Variants in IGF2R observed in about 807,000 individuals in gnomAD.
IGF2R encodes the protein insulin like growth factor 2 receptor, also known as cation-independent mannose-6-phosphate receptor.
In IGF2R, 91 loss-of-function variants were observed where a neutral mutation model predicts 270.6. The observed-to-expected ratio is 0.34, with a 90% CI of 0.28 to 0.40. IGF2R has a LOEUF of 0.40. Among genes scored for constraint, IGF2R ranks in the 10% least tolerant of loss-of-function variants. IGF2R has a pLI of 1.00. For synonymous variants in IGF2R, 1,316 were observed against 1,258.9 expected (o/e 1.05, Z -0.96); for missense variants, 2,805 against 3,188.3 (o/e 0.88, Z 2.90).
intron 2 of IGF2R, among the ~76,000 whole-genome samples, chr6:160,000,728 G>GTTTTTTTTTTTTTTTTTTTTT (rs59215791): frequency 1.4e-5 from 1 of 69,948 alleles, no homozygotes; most frequent in African/African-American, 6.0e-5. Flanking sequence ...GTGTGAGGTT[G>GTTTTTTTTTTTTTTTTTTTTT]TTTTTTTTTT....
rs775387243 is a variant in IGF2R, at chr6:160,075,936, G to A, written c.5256G>A (p.Ala1752=). 2.4e-5 allele frequency: 38 copies of A among 1,613,994 alleles called. 1 individual carries two copies. The highest frequency in any genetic ancestry group is 5.5e-5 in the South Asian group (5 of 91,084). The change falls in exon 36 of 48, where the codon GCG becomes GCA. Residue 1752 remains alanine, a synonymous_variant. Transcript: ENST00000356956. ...LNFESSTPCL[A]DKHFNYTSLI... ...TTGAAAGCAGTACTCCTTGCTTAGC[G>A]GACAAGCATTTCAACTACACCTCGC...
chr6:159,991,185 T>G lies in IGF2R; in HGVS notation c.151T>G (p.Tyr51Asp), dbSNP rs1187814366. Reference protein sequence around the residue: ...QAAPFPELCSYTWEAVDTKNN... With the variant: ...QAAPFPELCSDTWEAVDTKNN... ...CAAGTTGTTTTTCTTCCTTTCCAGT[T>G]ATACATGGGAAGCTGTTGATACCAA... The change falls in exon 2 of 48, where the codon TAT becomes GAT. Residue 51 changes from tyrosine (Y) to aspartate (D), a missense_variant and splice_region_variant. Physicochemically the swap from Tyr to Asp is radical, Grantham distance 160. Coordinates refer to ENST00000356956, the MANE Select transcript of IGF2R (RefSeq NM_000876.4). The G allele has an allele frequency of 6.2e-7, 1 of 1,605,028 alleles. No individual in the cohort carries two copies. The highest frequency in any genetic ancestry group is 8.5e-7 in the Non-Finnish European group (1 of 1,176,010).
At chr6:160,058,412 T>G (rs537958186) in intron 21 of IGF2R, among the ~76,000 whole-genome samples, 1 of 152,210 alleles carries the variant, frequency 6.6e-6, no homozygotes, top group South Asian at 2.1e-4. Flanking sequence ...TCATTGTCCA[T>G]TGGTCTCTCC....
In IGF2R at chr6:159,969,347, C is replaced by T; in HGVS notation, c.101C>T (p.Ala34Val). The T allele has an allele frequency of 7.6e-7, 1 of 1,314,136 alleles. No individual in the cohort carries two copies. The highest frequency in any genetic ancestry group is 9.7e-7 in the Non-Finnish European group (1 of 1,028,282). 81.4% of individuals were successfully genotyped at this position (1,314,136 alleles called of 1,614,324 possible). A position where few individuals can be genotyped will look rare whatever the true frequency, so the allele number is the denominator to read the frequency against. Reference protein sequence around the residue: ...LLLQLLLLVAAPGSTQAQAAP... With the variant: ...LLLQLLLLVAVPGSTQAQAAP... Reference sequence around the variant, plus strand: ...CTGCAGCTGCTGCTGCTCGTCGCTGCCCCGGGGTCCACGCAGGCCCAGGCC... The same window carrying T: ...CTGCAGCTGCTGCTGCTCGTCGCTGTCCCGGGGTCCACGCAGGCCCAGGCC... The change falls in exon 1 of 48, where the codon GCC (alanine) becomes GTC (valine). Residue 34 changes from alanine (A) to valine (V), a missense_variant. Ala to Val is a moderately conservative substitution (Grantham distance 64, BLOSUM62 0). This residue lies in a region of IGF2R where 954 missense variants were observed against 981.1 expected (regional missense o/e 0.97). Transcript: ENST00000356956.
Position 160,060,660 on chromosome 6 carries a change from T to C in IGF2R, c.3205T>C (p.Phe1069Leu). 1.2e-6 allele frequency: 2 copies of C among 1,614,266 alleles called. No homozygotes were observed. The highest frequency in any genetic ancestry group is 1.7e-6 in the Non-Finnish European group (2 of 1,180,052). ...DSGQGIRNTYFEFETALACVP... is the reference protein window; with the variant it reads ...DSGQGIRNTYLEFETALACVP... The stretch of plus-strand genomic sequence containing the variant: ...TGGGCAAGGGATCCGAAACACTTAC[T>C]TTGAGTTTGAAACCGCGTTGGCCTG... The change falls in exon 23 of 48, where the codon TTT (phenylalanine) becomes CTT (leucine). Residue 1069 changes from phenylalanine (F) to leucine (L), a missense_variant. This residue lies in a region of IGF2R where 1,851 missense variants were observed against 2,207.2 expected (regional missense o/e 0.84). Transcript: ENST00000356956.
chr6:160,075,134 GCA>G (rs773529488), intron 35 of IGF2R, among the ~76,000 whole-genome samples: 1 of 149,294 alleles, frequency 6.7e-6, no homozygotes, highest in Non-Finnish European at 1.5e-5. Context: ...ACACGTGCAT[GCA>G]CACACACATT....
At position 160,084,974 on chromosome 6, in the gene IGF2R, C is replaced by T; in HGVS notation, c.6069-21C>T. ...ACGTCACTTGCATGCCTTTTACCTG[C>T]CCCTTTGTGTCGTTTTCTAGGTACT... On this transcript the variant is annotated intron_variant, in intron 40 of 47. Coordinates refer to ENST00000356956, the MANE Select transcript of IGF2R (RefSeq NM_000876.4). This position sits in a 1 kb window ranked among gnomAD's most constrained non-coding sequence, Gnocchi z 4.6. The T allele has an allele frequency of 6.2e-7, 1 of 1,603,768 alleles. No homozygotes were observed. The highest frequency in any genetic ancestry group is 1.1e-5 in the South Asian group (1 of 90,758).
intron 4 of IGF2R, among the ~76,000 whole-genome samples, chr6:160,018,142 A>G (rs1404132295): frequency 6.6e-6 from 1 of 152,166 alleles, no homozygotes; most frequent in Non-Finnish European, 1.5e-5. Context: ...GTAAAGACAT[A>G]CACTGAAGCT....
chr6:159,980,231 G>GAAAGAAAAGAAAGAAAAGAAAGA (rs1783774125), intron 1 of IGF2R, among the ~76,000 whole-genome samples: 1 of 114,426 alleles, frequency 8.7e-6, no homozygotes, highest in Non-Finnish European at 2.0e-5. Flanking sequence ...AAGAAAGAAA[G>GAAAGAAAAGAAAGAAAAGAAAGA]AAAGAAAGGT....
chr6:160,069,944 A>T lies in IGF2R; in HGVS notation c.4329A>T (p.Gly1443=). Residue 1443 remains glycine (G), a synonymous_variant, in exon 31 of 48, where the codon GGA becomes GGT. Transcript: ENST00000356956. ...KPVNLGRVRD[G]PQWRDGIIVL... ...TGAACCTCGGCAGGGTAAGGGACGG[A>T]CCTCAGTGGAGAGATGGCATAATTG... 3 of 1,614,186 alleles carry T rather than the reference A, an allele frequency of 1.9e-6. No homozygotes were observed. The highest frequency in any genetic ancestry group is 2.5e-6 in the Non-Finnish European group (3 of 1,180,036).
chr6:160,074,887 C>T lies in IGF2R; in HGVS notation c.5166+912C>T, dbSNP rs113523192. On this transcript the variant is annotated intron_variant, in intron 35 of 47. Coordinates refer to ENST00000356956, the MANE Select transcript of IGF2R (RefSeq NM_000876.4). The stretch of plus-strand genomic sequence containing the variant: ...TGGAGGCCTGGACAAGCTGAGTCTC[C>T]CCAGGAAGCTCTTTGGTAGCGTCCT... Among the ~76,000 whole-genome samples the T allele has an allele frequency of 5.6e-3, 860 of 152,300 alleles. 10 individuals carry two copies. Among genetic ancestry groups the T allele is most frequent in the African/African-American group, 0.019 (795 of 41,538 alleles).
intron 36 of IGF2R, 47 bp downstream of exon 36, chr6:160,076,043 G>GA: frequency 1.9e-6 from 3 of 1,593,488 alleles, no homozygotes; most frequent in Non-Finnish European, 1.7e-6. Context: ...GCGGGTTAGT[G>GA]AGCCAAGGCT....
chr6:160,028,013 G>T (rs999273418), intron 6 of IGF2R, among the ~76,000 whole-genome samples: 4 of 152,204 alleles, frequency 2.6e-5, no homozygotes, highest in African/African-American at 9.7e-5. Context: ...AAAAACTTGA[G>T]CGTAACCTGA....
intron 44 of IGF2R, 174 bp from the exon 45 acceptor site, chr6:160,096,265 C>T (rs1422698404): frequency 3.8e-5 from 22 of 583,676 alleles, no homozygotes; most frequent in South Asian, 2.6e-4. Context: ...GGGCTCTATC[C>T]ATGTGCATCG....
rs59215791 is a variant in IGF2R, at chr6:160,000,728, G to GTTTTTTTTTTTTTT, written c.290-8270_290-8257dup. On this transcript the variant is annotated intron_variant, in intron 2 of 47. Transcript: ENST00000356956. ...GGAAGATAATAGTTGGTGTGAGGTT[G>GTTTTTTTTTTTTTT]TTTTTTTTTTTTTTTTTTTTTTTTT... 7.0e-4 allele frequency among the ~76,000 whole-genome samples: 49 copies of GTTTTTTTTTTTTTT among 69,964 alleles called. 5 individuals are homozygous for GTTTTTTTTTTTTTT. Among genetic ancestry groups the GTTTTTTTTTTTTTT allele is most frequent in the African/African-American group, 2.7e-3 (46 of 16,730 alleles). The allele number at this position is 69,964 out of a possible 152,430, so 45.9% of individuals were successfully genotyped here.
intron 44 of IGF2R, chr6:160,090,432 C>G (rs942276132): frequency 1.2e-5 from 2 of 173,416 alleles, no homozygotes; most frequent in Non-Finnish European, 2.4e-5. Flanking sequence ...AACCATGACA[C>G]TTCCTTATTT....
At chr6:160,031,257 G>A (rs1777689954) in intron 7 of IGF2R, among the ~76,000 whole-genome samples, 1 of 152,156 alleles carries the variant, frequency 6.6e-6, no homozygotes, top group Non-Finnish European at 1.5e-5. Context: ...AATGATTTTA[G>A]GAGCTGGTAT....
chr6:160,072,184 C>T (rs761474870), intron 32 of IGF2R, 148 bp downstream of exon 32: 63 of 923,164 alleles, frequency 6.8e-5, no homozygotes, highest in Non-Finnish European at 9.8e-5. Context: ...TGTGTTTGGC[C>T]TTTCTCTGGA....
intron 1 of IGF2R, among the ~76,000 whole-genome samples, chr6:159,982,509 C>A (rs1477462770): frequency 6.6e-6 from 1 of 152,200 alleles, no homozygotes; most frequent in Non-Finnish European, 1.5e-5. Context: ...TAGCTAGTGA[C>A]CATGTATCTT....
Sources: gnomAD v4.1 joint callset for allele counts (sites outside exome capture counted in the v4.1 genomes callset) on GRCh38, gnomAD v4.1.1 for gene constraint, gnomAD v4.1.1 regional missense constraint, Gnocchi (gnomAD v3.1) non-coding constraint, MANE v1.5 for transcripts, NCBI Gene and HGNC (gene_info 2026-07-23, HGNC 2026-07-21) for gene names.